The following TIAM1 variants were observed in gnomAD, a reference collection of about 807,000 sequenced individuals.
The protein encoded by TIAM1 is rho guanine nucleotide exchange factor TIAM1.
In TIAM1, 65 loss-of-function variants were observed where a neutral mutation model predicts 163.5. The ratio of observed to expected loss-of-function variants is 0.40; its 90% CI spans 0.33 to 0.49. The LOEUF (loss-of-function observed/expected upper bound fraction) is 0.49. TIAM1 is among the 20% of genes least tolerant of loss of function. The probability of loss-of-function intolerance (pLI) is 0.77; values close to 1 mark genes in which losing one functional copy is unlikely to be tolerated. For missense variants in TIAM1, 1,789 were observed against 2,044.7 expected (o/e 0.87, Z 2.41); for synonymous variants, 833 against 810.1 (o/e 1.03, Z -0.48).
chr21:31,478,550 T>C (rs2046008012), intron 1 of TIAM1, among the ~76,000 whole-genome samples: 2 of 152,148 alleles, frequency 1.3e-5, no homozygotes, highest in Non-Finnish European at 2.9e-5. Context: ...TTAAATGGAG[T>C]CCTCTGGAAC....
intron 16 of TIAM1, among the ~76,000 whole-genome samples, chr21:31,158,451 A>C (rs2083737076): frequency 6.6e-6 from 1 of 152,084 alleles, no homozygotes. Context: ...CAAGGCACCA[A>C]CCCTCAGGTG....
rs1440347611 is a variant in TIAM1, at chr21:31,141,827, G to C, written c.3476-323C>G. On this transcript the variant is annotated intron_variant, in intron 20 of 27. Transcript: ENST00000541036. This position sits in a 1 kb window ranked among gnomAD's most constrained non-coding sequence, Gnocchi z 4.7. ...ACATGTTTTTTTATCCTGATGTTTT[G>C]ACACCTGGGGCCTTACTGTCCATGG... 1.3e-5 allele frequency among the ~76,000 whole-genome samples: 2 copies of C among 151,984 alleles called. No individual in the cohort carries two copies. The highest frequency in any genetic ancestry group is 6.6e-5 in the Admixed American group (1 of 15,254).
chr21:31,152,200 T>C (rs895193451), intron 19 of TIAM1, among the ~76,000 whole-genome samples: 4 of 151,988 alleles, frequency 2.6e-5, no homozygotes, highest in East Asian at 1.9e-4. Context: ...GCCCAGCTAA[T>C]TTTTATACTT....
intron 2 of TIAM1, among the ~76,000 whole-genome samples, chr21:31,439,352 C>T (rs892954850): frequency 2.0e-5 from 3 of 152,200 alleles, no homozygotes; most frequent in Non-Finnish European, 4.4e-5. Flanking sequence ...TGCAGTGGCA[C>T]GATCTCGGCT....
At chr21:31,227,782 A>T (rs181424417) in intron 6 of TIAM1, among the ~76,000 whole-genome samples, 46 of 152,314 alleles carry the variant, frequency 3.0e-4, no homozygotes, top group African/African-American at 1.0e-3. Context: ...CACCAGAAAA[A>T]GAGAGGCTCT....
At chr21:31,330,438 TTTTG>T (rs1473376241) in intron 2 of TIAM1, among the ~76,000 whole-genome samples, 1 of 152,166 alleles carries the variant, frequency 6.6e-6, no homozygotes, top group African/African-American at 2.4e-5. Context: ...TTTTGTTTGT[TTTTG>T]TTTTTCTTTT....
intron 15 of TIAM1, among the ~76,000 whole-genome samples, chr21:31,180,784 G>A (rs888141188): frequency 7.2e-5 from 11 of 152,322 alleles, no homozygotes; most frequent in African/African-American, 2.4e-4. Flanking sequence ...CCTTTACTAA[G>A]GGTACACAAC....
intron 16 of TIAM1, among the ~76,000 whole-genome samples, chr21:31,158,213 A>T (rs1009090848): frequency 3.3e-5 from 5 of 152,106 alleles, no homozygotes; most frequent in African/African-American, 1.2e-4. Context: ...CCTAGGCCCA[A>T]CCTCACCCTC....
intron 1 of TIAM1, among the ~76,000 whole-genome samples, chr21:31,554,858 T>C (rs1222966232): frequency 6.6e-6 from 1 of 152,142 alleles, no homozygotes; most frequent in Non-Finnish European, 1.5e-5. Flanking sequence ...TCTAGAAGAA[T>C]CTCACACACG....
At chr21:31,306,536 C>G (rs990545850) in intron 2 of TIAM1, among the ~76,000 whole-genome samples, 5 of 152,160 alleles carry the variant, frequency 3.3e-5, no homozygotes, top group African/African-American at 9.7e-5. Context: ...GAGTAGACAG[C>G]ATCAGAAGTA....
At chr21:31,224,805 G>A (rs2087843234) in intron 7 of TIAM1, among the ~76,000 whole-genome samples, 1 of 152,160 alleles carries the variant, frequency 6.6e-6, no homozygotes, top group African/African-American at 2.4e-5. Flanking sequence ...ATTGTTCAAT[G>A]ATTTAAATAT....
chr21:31,148,083 C>A (rs550913188), intron 19 of TIAM1, among the ~76,000 whole-genome samples: 1 of 148,502 alleles, frequency 6.7e-6, no homozygotes, highest in Non-Finnish European at 1.5e-5. Context: ...ACTCTTCTTA[C>A]GTGTTCTCCT....
chr21:31,491,212 G>A (rs2046458396), intron 1 of TIAM1, among the ~76,000 whole-genome samples: 1 of 152,216 alleles, frequency 6.6e-6, no homozygotes, highest in South Asian at 2.1e-4. Flanking sequence ...CCTGAGGACA[G>A]TGGAGTAGAA....
intron 12 of TIAM1, among the ~76,000 whole-genome samples, chr21:31,200,251 T>C (rs1274265144): frequency 6.6e-6 from 1 of 151,918 alleles, no homozygotes; most frequent in Non-Finnish European, 1.5e-5. Context: ...GCAGGAGAAT[T>C]GCTTGAACCA....
At chr21:31,493,291 GGAGTAA>G (rs2046536259) in intron 1 of TIAM1, among the ~76,000 whole-genome samples, 1 of 152,160 alleles carries the variant, frequency 6.6e-6, no homozygotes, top group South Asian at 2.1e-4. Context: ...GGAGCAGGGA[GGAGTAA>G]GTGAAGGGTA....
Position 31,146,641 on chromosome 21 carries a change from G to A in TIAM1, c.3475+254C>T, listed in dbSNP as rs562375016. Among the ~76,000 whole-genome samples the A allele has an allele frequency of 7.3e-5, 11 of 150,536 alleles. No homozygotes were observed. The South Asian group carries it at 2.3e-3, about 32-fold the overall frequency. Reference sequence around the variant, plus strand: ...CAGGAGAATCACTTGAACCTGGGAGGCAGAGGTCGCAGTGAGCCAAGATCG... The same window carrying A: ...CAGGAGAATCACTTGAACCTGGGAGACAGAGGTCGCAGTGAGCCAAGATCG... On this transcript the variant is annotated intron_variant, in intron 20 of 27. Coordinates refer to ENST00000541036, the MANE Select transcript of TIAM1 (RefSeq NM_001353694.2).
chr21:31,123,388 C>A lies in TIAM1; in HGVS notation c.4306+1134G>T, dbSNP rs73899652. On this transcript the variant is annotated intron_variant, in intron 27 of 27. Transcript: ENST00000541036. Reference sequence around the variant, plus strand: ...ACTATTCTTCCATGGCGACCCCATGCGAAACTGCGCATATGGACGTATGAA... The same window carrying A: ...ACTATTCTTCCATGGCGACCCCATGAGAAACTGCGCATATGGACGTATGAA... 8.4e-3 allele frequency among the ~76,000 whole-genome samples: 1,275 copies of A among 152,320 alleles called. 18 individuals carry two copies. The highest frequency in any genetic ancestry group is 0.03 in the African/African-American group (1,234 of 41,572).
At chr21:31,246,509 TTA>T (rs1396206956) in intron 5 of TIAM1, among the ~76,000 whole-genome samples, 2 of 152,218 alleles carry the variant, frequency 1.3e-5, no homozygotes, top group Non-Finnish European at 2.9e-5. Context: ...GGGTATAACT[TTA>T]TGACTCTTCC....
At chr21:31,422,443 C>G (rs1476586572) in intron 2 of TIAM1, among the ~76,000 whole-genome samples, 1 of 152,106 alleles carries the variant, frequency 6.6e-6, no homozygotes, top group Non-Finnish European at 1.5e-5. Context: ...AGTGCAGACT[C>G]CCAAGCCCCC....
Sources: allele counts gnomAD v4.1 joint callset (sites outside exome capture counted in the v4.1 genomes callset), GRCh38; gene constraint gnomAD v4.1.1; non-coding constraint Gnocchi (gnomAD v3.1); transcripts MANE v1.5; gene names NCBI Gene and HGNC (gene_info 2026-07-23, HGNC 2026-07-21).